Variants in KDM6A observed in about 807,000 individuals in gnomAD.
KDM6A encodes the protein lysine demethylase 6A.
In KDM6A, 11 loss-of-function variants were observed where a neutral mutation model predicts 117.6. The observed-to-expected ratio is 0.09, with a 90% CI of 0.06 to 0.15. The LOEUF is 0.15. KDM6A is among the 10% of genes least tolerant of loss of function. KDM6A has a pLI of 1.00. For missense variants in KDM6A, 799 were observed against 1,077.3 expected, an observed-to-expected ratio of 0.74 and a Z score of 3.62; for synonymous variants, 384 against 396.1, an observed-to-expected ratio of 0.97 and a Z score of 0.36.
intron 2 of KDM6A, 94 bp downstream of exon 2, chrX:44,874,081 C>T (rs980742554): frequency 9.6e-6 from 8 of 836,171 alleles, no homozygotes; most frequent in Middle Eastern, 5.9e-4. Context: ...CTCATTGTGG[C>T]CACGGACGAT....
At position 45,107,468 on chromosome X, in the gene KDM6A, G is replaced by T; in HGVS notation, c.4093G>T (p.Ala1365Ser). 8.3e-7 allele frequency: 1 copy of T among 1,206,913 alleles called. No individual in the cohort carries two copies. Among genetic ancestry groups the T allele is most frequent in the African/African-American group, 1.7e-5 (1 of 57,731 alleles). ...CQTLREALIA[A>S]GKEIIWHGRT... ...GACATTGAGGGAAGCTCTCATTGCT[G>T]CAGGAAAAGAGATTATATGGCATGG... The change falls in exon 28 of 30, where the codon GCA (alanine) becomes TCA (serine). Residue 1365 changes from alanine (A) to serine (S), a missense_variant. Transcript: ENST00000611820.
chrX:44,888,878 A>G (rs1322503991), intron 2 of KDM6A, among the ~76,000 whole-genome samples: 2 of 112,025 alleles, frequency 1.8e-5, no homozygotes, highest in African/African-American at 6.5e-5. Context: ...GATAAGAAAT[A>G]TCACATTGAA....
rs758307536 is a variant in KDM6A at position 45,034,997 on chromosome X, T to C, written c.619+12T>C. 2 of 1,134,809 alleles carry C rather than the reference T, an allele frequency of 1.8e-6. No individual in the cohort carries two copies. The highest frequency in any genetic ancestry group is 2.2e-5 in the Admixed American group (1 of 45,955). The allele number at this position is 1,134,809 out of a possible 1,213,427, so 93.5% of individuals were successfully genotyped here. A position where few individuals can be genotyped will look rare whatever the true frequency, so the allele number is the denominator to read the frequency against. On this transcript the variant is annotated intron_variant, in intron 7 of 29. Coordinates refer to ENST00000611820, the MANE Select transcript of KDM6A (RefSeq NM_001291415.2). ...GTCCAATGCTGAAAGTAAGTATTATTAAGTACTGTAGTTTTCTACATGTAT... is the reference window on the plus strand; with the variant it reads ...GTCCAATGCTGAAAGTAAGTATTATCAAGTACTGTAGTTTTCTACATGTAT...
At chrX:45,037,721 A>G (rs765489641) in intron 8 of KDM6A, 32 bp downstream of exon 8, 1 of 1,077,827 alleles carries the variant, frequency 9.3e-7, no homozygotes, top group Admixed American at 2.2e-5. Flanking sequence ...ATTTAAAACA[A>G]AAGCAAACAA....
chrX:45,063,304 C>A (rs2044383684), intron 16 of KDM6A, 118 bp from the exon 17 acceptor site: 8 of 667,790 alleles, frequency 1.2e-5, no homozygotes, highest in Admixed American at 4.8e-5. Context: ...GGTAAAATCA[C>A]ACATTCCCTA....
At chrX:44,946,627 C>T (rs191105768) in intron 2 of KDM6A, among the ~76,000 whole-genome samples, 2 of 111,184 alleles carry the variant, frequency 1.8e-5, no homozygotes, top group East Asian at 2.8e-4. Context: ...AGAAATCCCA[C>T]GCTATCCTAA....
rs768304025 is a variant in KDM6A, at chrX:44,939,183, C to T, written c.226-22101C>T. Among the ~76,000 whole-genome samples, 4 of 112,309 alleles carry T rather than the reference C, an allele frequency of 3.6e-5. No homozygotes were observed. The East Asian group carries it at 1.1e-3, about 31-fold the overall frequency. Reference sequence around the variant, plus strand: ...GGCTGCCGTAGTTAGTGATTCCACTCATGGATCTGGGCAAAGTAAATAAAA... The same window carrying T: ...GGCTGCCGTAGTTAGTGATTCCACTTATGGATCTGGGCAAAGTAAATAAAA... On this transcript the variant is annotated intron_variant, in intron 2 of 29. Transcript: ENST00000611820.
At chrX:44,895,038 A>ATTT (rs1284671079) in intron 2 of KDM6A, among the ~76,000 whole-genome samples, 1 of 110,359 alleles carries the variant, frequency 9.1e-6, no homozygotes, top group African/African-American at 3.3e-5. Context: ...AAGTGCTGGG[A>ATTT]TTACAGGTGT....
At chrX:44,974,248 T>C (rs1458934737) in intron 3 of KDM6A, among the ~76,000 whole-genome samples, 9 of 111,600 alleles carry the variant, frequency 8.1e-5, no homozygotes, top group African/African-American at 2.9e-4. Context: ...AGCCAATTGC[T>C]TCTCAAATAG....
At chrX:44,931,361 T>C (rs1430866674) in intron 2 of KDM6A, among the ~76,000 whole-genome samples, 3 of 111,716 alleles carry the variant, frequency 2.7e-5, no homozygotes, top group African/African-American at 9.8e-5. Context: ...CGGCGTGAAC[T>C]ACACACCCGG....
At chrX:45,068,817 TCTTTCTCTTTCC>T (rs1458222903) in intron 17 of KDM6A, among the ~76,000 whole-genome samples, 1,663 of 101,696 alleles carry the variant, frequency 0.016, 52 homozygotes, top group African/African-American at 0.063. Context: ...TTTCTCTTTC[TCTTTCTCTTTCC>T]CTTTCCCTTT....
intron 10 of KDM6A, among the ~76,000 whole-genome samples, chrX:45,057,088 T>G (rs2044104489): frequency 2.7e-5 from 3 of 111,639 alleles, no homozygotes; most frequent in Non-Finnish European, 5.7e-5. Context: ...AGTGATTCCT[T>G]AGGCTTTTAC....
intron 6 of KDM6A, among the ~76,000 whole-genome samples, chrX:45,021,581 A>G (rs1004192494): frequency 6.3e-5 from 7 of 111,881 alleles, no homozygotes; most frequent in East Asian, 5.6e-4. Flanking sequence ...ATAAGGAACT[A>G]CTGAAGGTTA....
intron 6 of KDM6A, among the ~76,000 whole-genome samples, chrX:45,026,089 C>T (rs1304419922): frequency 8.9e-6 from 1 of 112,148 alleles, no homozygotes; most frequent in East Asian, 2.8e-4. Context: ...AAAATGCCTA[C>T]TTATAGAACA....
intron 27 of KDM6A, among the ~76,000 whole-genome samples, chrX:45,106,100 C>T (rs1273242090): frequency 2.7e-5 from 3 of 110,530 alleles, no homozygotes; most frequent in Non-Finnish European, 5.7e-5. Flanking sequence ...TGGTCTAAAG[C>T]AATGTTTTTG....
intron 4 of KDM6A, among the ~76,000 whole-genome samples, chrX:45,007,863 T>C (rs1602552905): frequency 8.9e-6 from 1 of 112,425 alleles, no homozygotes; most frequent in African/African-American, 3.2e-5. Flanking sequence ...TCTGATGCAG[T>C]TTCTTCATTC....
intron 2 of KDM6A, among the ~76,000 whole-genome samples, chrX:44,894,676 C>T (rs1490484496): frequency 2.8e-5 from 3 of 107,294 alleles, no homozygotes; most frequent in East Asian, 5.8e-4. Flanking sequence ...AGTGCAGTGG[C>T]GTGATCTCGG....
intron 4 of KDM6A, among the ~76,000 whole-genome samples, chrX:44,987,532 G>A (rs1206834697): frequency 1.8e-5 from 2 of 111,682 alleles, no homozygotes; most frequent in Admixed American, 1.9e-4. Flanking sequence ...TCATGTTTTT[G>A]CAGTGGCTGG....
intron 2 of KDM6A, among the ~76,000 whole-genome samples, chrX:44,907,273 T>G (rs1381714369): frequency 9.0e-6 from 1 of 111,344 alleles, no homozygotes. Context: ...ATTTATCAGT[T>G]CCTTTTTTTG....
Sources: gnomAD v4.1 joint callset for allele counts (sites outside exome capture counted in the v4.1 genomes callset) on GRCh38, gnomAD v4.1.1 for gene constraint, MANE v1.5 for transcripts, NCBI Gene and HGNC (gene_info 2026-07-23, HGNC 2026-07-21) for gene names.